IQCK: variants seen among roughly 807,000 people sequenced by gnomAD.
IQCK encodes the protein IQ domain-containing protein K.
Under a neutral mutation model 28.1 loss-of-function variants are expected in IQCK, and 29 were observed. The ratio of observed to expected loss-of-function variants is 1.03; its 90% CI spans 0.77 to 1.41. The LOEUF (loss-of-function observed/expected upper bound fraction) is 1.41, where lower values mean the gene tolerates loss of function less well. Ranked by LOEUF, IQCK falls within the 40% of genes most tolerant of loss-of-function variation. The pLI is 0.00. For synonymous variants in IQCK, 113 were observed against 115.1 expected, an observed-to-expected ratio of 0.98 and a Z score of 0.12; for missense variants, 359 against 314.7, an observed-to-expected ratio of 1.14 and a Z score of -1.07.
intron 4 of IQCK, among the ~76,000 whole-genome samples, chr16:19,750,820 A>G (rs559631079): frequency 2.3e-4 from 35 of 152,334 alleles, no homozygotes; most frequent in African/African-American, 8.4e-4. Flanking sequence ...CACAGCTACA[A>G]TGAAAGATAA....
chr16:19,824,168 A>C (rs927601060), intron 7 of IQCK, among the ~76,000 whole-genome samples: 5 of 152,144 alleles, frequency 3.3e-5, no homozygotes, highest in African/African-American at 9.7e-5. Context: ...ATCATGTAGA[A>C]TCAGTGGCAA....
downstream of IQCK, among the ~76,000 whole-genome samples, chr16:19,832,162 T>C (rs2056239921): frequency 6.6e-6 from 1 of 151,902 alleles, no homozygotes; most frequent in Non-Finnish European, 1.5e-5. Flanking sequence ...TTTAGAAATC[T>C]AGTATGAGCA....
chr16:19,752,052 G>A (rs1010579044), intron 4 of IQCK, among the ~76,000 whole-genome samples: 1 of 152,134 alleles, frequency 6.6e-6, no homozygotes, highest in Admixed American at 6.6e-5. Context: ...TACCATTCCT[G>A]CTCTACCGTG....
rs1289204764 is a variant in IQCK, at chr16:19,785,799, C to CTT, written c.606-3038_606-3037dup. ...CCCAAGAAGATTCTGTATCCTGGCT[C>CTT]TTGAGCCGCTGCTTGGGTCCGCTCC... On this transcript the variant is annotated intron_variant, in intron 6 of 7. Coordinates refer to ENST00000564186, the Ensembl canonical transcript of IQCK. Among the ~76,000 whole-genome samples, 4 of 152,162 alleles carry CTT rather than the reference C, an allele frequency of 2.6e-5. No individual in the cohort carries two copies. In the East Asian group the frequency reaches 7.7e-4, roughly 29 times the overall value.
At chr16:19,804,533 G>A (rs2055808860) in intron 7 of IQCK, among the ~76,000 whole-genome samples, 1 of 151,848 alleles carries the variant, frequency 6.6e-6, no homozygotes, top group Admixed American at 6.6e-5. Flanking sequence ...CACCTCCCAG[G>A]CTCAAACAGC....
At chr16:19,835,215 G>A (rs1457715929) in intron 9 of IQCK, among the ~76,000 whole-genome samples, 1 of 150,602 alleles carries the variant, frequency 6.6e-6, no homozygotes, top group Non-Finnish European at 1.5e-5. Flanking sequence ...GCAGTGAGGT[G>A]GAGGTTGCAG....
At chr16:19,843,605 A>T (rs12051466) in intron 9 of IQCK, among the ~76,000 whole-genome samples, 48,915 of 152,068 alleles carry the variant, frequency 0.32, 8,406 homozygotes, top group East Asian at 0.53. Flanking sequence ...AATACCACAG[A>T]CTTGACAGTT....
intron 6 of IQCK, among the ~76,000 whole-genome samples, chr16:19,779,928 A>T (rs957895154): frequency 2.6e-5 from 4 of 151,758 alleles, no homozygotes; most frequent in Non-Finnish European, 5.9e-5. Flanking sequence ...CATGTTAGCC[A>T]GGATGGTCTC....
chr16:19,803,762 C>G (rs1331455188), intron 7 of IQCK, among the ~76,000 whole-genome samples: 2 of 152,130 alleles, frequency 1.3e-5, no homozygotes, highest in Admixed American at 1.3e-4. Context: ...AAACGATTCT[C>G]CCAGTTCAGC....
intron 6 of IQCK, among the ~76,000 whole-genome samples, chr16:19,780,288 G>A (rs1300864057): frequency 2.7e-5 from 4 of 150,404 alleles, no homozygotes; most frequent in Non-Finnish European, 4.4e-5. Flanking sequence ...GTGATCTGCC[G>A]GCCTCCGCCT....
chr16:19,735,679 G>T, intron 4 of IQCK: 1 of 513,470 alleles, frequency 1.9e-6, no homozygotes. Flanking sequence ...TTTCCGCCTT[G>T]CTTGGCCTCC....
intron 7 of IQCK, among the ~76,000 whole-genome samples, chr16:19,822,155 A>G (rs2141083877): frequency 6.6e-6 from 1 of 151,382 alleles, no homozygotes; most frequent in Non-Finnish European, 1.5e-5. Context: ...TGGGAGGCCG[A>G]GGCAGGCAGA....
At chr16:19,730,323 C>T in intron 1 of IQCK, 107 bp from the exon 2 acceptor site, 1 of 824,002 alleles carries the variant, frequency 1.2e-6, no homozygotes, top group Non-Finnish European at 1.9e-6. Flanking sequence ...TTTCTGTACA[C>T]CACCAGCCAA....
chr16:19,725,133 A>G (rs967899768), intron 1 of IQCK, among the ~76,000 whole-genome samples: 20 of 152,216 alleles, frequency 1.3e-4, no homozygotes, highest in African/African-American at 4.6e-4. Flanking sequence ...AATTAATGCC[A>G]TTTATAACCT....
At chr16:19,837,356 A>G (rs777387486) in intron 9 of IQCK, among the ~76,000 whole-genome samples, 9 of 152,172 alleles carry the variant, frequency 5.9e-5, no homozygotes, top group Non-Finnish European at 1.3e-4. Flanking sequence ...AGCCATGATC[A>G]CGCTGCTGTA....
At chr16:19,822,067 C>CAAAAAAAAAA (rs35060834) in intron 7 of IQCK, among the ~76,000 whole-genome samples, 5 of 64,612 alleles carry the variant, frequency 7.7e-5, no homozygotes, top group Admixed American at 1.9e-4. Flanking sequence ...GACCCTGTCT[C>CAAAAAAAAAA]AAAAAAAAAA....
chr16:19,835,738 C>T (rs2056287418), intron 9 of IQCK, among the ~76,000 whole-genome samples: 1 of 152,034 alleles, frequency 6.6e-6, no homozygotes, highest in South Asian at 2.1e-4. Flanking sequence ...GCGAGTGCCA[C>T]CACACCCAGT....
chr16:19,830,362 A>G (rs1164007673), downstream of IQCK, among the ~76,000 whole-genome samples: 2 of 152,136 alleles, frequency 1.3e-5, no homozygotes, highest in East Asian at 3.8e-4. Flanking sequence ...CGGAGCAGGG[A>G]GAATAGACTG....
chr16:19,739,822 AAAAG>A (rs1317630334), intron 4 of IQCK, among the ~76,000 whole-genome samples: 1 of 152,194 alleles, frequency 6.6e-6, no homozygotes, highest in Non-Finnish European at 1.5e-5. Flanking sequence ...CTCAAAAAAA[AAAAG>A]AGGAGCCCTC....
Sources: allele counts gnomAD v4.1 joint callset (sites outside exome capture counted in the v4.1 genomes callset), GRCh38; gene constraint gnomAD v4.1.1; transcripts MANE v1.5; gene names NCBI Gene and HGNC (gene_info 2026-07-23, HGNC 2026-07-21).